SI: variants seen among roughly 807,000 people sequenced by gnomAD.
SI encodes sucrase-isomaltase.
A neutral mutation model predicts 253.3 loss-of-function variants in SI; 235 were observed. The ratio of observed to expected loss-of-function variants is 0.93; its 90% CI spans 0.83 to 1.03. The LOEUF (loss-of-function observed/expected upper bound fraction) is 1.03. SI is among the 50% of genes least tolerant of loss of function. The pLI is 0.00. For missense variants in SI, 2,442 were observed against 2,211.1 expected, an observed-to-expected ratio of 1.10 and a Z score of -2.09; for synonymous variants, 819 against 712.0, an observed-to-expected ratio of 1.15 and a Z score of -2.39.
In SI at chr3:165,041,064, A is replaced by G; in HGVS notation, c.2035T>C (p.Ser679Pro). 6.2e-7 allele frequency: 1 copy of G among 1,612,930 alleles called. No individual in the cohort carries two copies. The highest frequency in any genetic ancestry group is 1.3e-5 in the African/African-American group (1 of 74,984). The stretch of plus-strand genomic sequence containing the variant: ...TGCCTTGATGATTTAACCAAAAGTG[A>G]ATTCTGCCCAAAAAATGCAGGATCC... Reference protein sequence around the residue: ...HQDPAFFGQNSLLVKSSRQYL... With the variant: ...HQDPAFFGQNPLLVKSSRQYL... The change falls in exon 18 of 48, where the codon TCA becomes CCA. Residue 679 changes from serine (S) to proline (P), a missense_variant. Coordinates refer to ENST00000264382, the MANE Select transcript of SI (RefSeq NM_001041.4).
intron 37 of SI, among the ~76,000 whole-genome samples, chr3:165,003,926 G>T (rs1326282117): frequency 8.6e-5 from 13 of 151,964 alleles, no homozygotes; most frequent in Admixed American, 8.5e-4. Context: ...AATAACAAAT[G>T]GTGGGAGTAA....
At chr3:165,075,102 G>C (rs979818284) in intron 2 of SI, among the ~76,000 whole-genome samples, 3 of 151,884 alleles carry the variant, frequency 2.0e-5, no homozygotes, top group African/African-American at 7.2e-5. Context: ...CCTTGCAAGG[G>C]AATAATTTGA....
intron 18 of SI, among the ~76,000 whole-genome samples, chr3:165,040,262 A>G (rs1238230281): frequency 6.6e-6 from 1 of 151,470 alleles, no homozygotes; most frequent in South Asian, 2.1e-4. Context: ...AAGGGATGGG[A>G]ACAGAGGGAA....
intron 44 of SI, among the ~76,000 whole-genome samples, chr3:164,988,757 A>G (rs1717560219): frequency 6.6e-6 from 1 of 152,162 alleles, no homozygotes; most frequent in Non-Finnish European, 1.5e-5. Flanking sequence ...TTGCAATGGA[A>G]ATAAAGACTG....
At chr3:165,005,205 A>C (rs1718445019) in intron 37 of SI, among the ~76,000 whole-genome samples, 1 of 152,154 alleles carries the variant, frequency 6.6e-6, no homozygotes, top group East Asian at 1.9e-4. Flanking sequence ...TTTATGAAAG[A>C]GTGAAAATAG....
In SI at chr3:165,064,501, A is replaced by G. The variant is rs11920645; in HGVS notation, c.807+760T>C. Among the ~76,000 whole-genome samples the G allele has an allele frequency of 4.3e-3, 658 of 152,276 alleles. 3 individuals are homozygous for G. Among genetic ancestry groups the G allele is most frequent in the African/African-American group, 0.015 (616 of 41,568 alleles). On this transcript the variant is annotated intron_variant, in intron 7 of 47. Transcript: ENST00000264382. ...TGATATAGAAATAGTTAGCATTGCC[A>G]TTTAAAAAGAAGTAACTGACAAACG... is the stretch of plus-strand genomic sequence containing the variant.
chr3:165,067,120 C>T (rs1009388521), intron 6 of SI, among the ~76,000 whole-genome samples: 1 of 151,852 alleles, frequency 6.6e-6, no homozygotes, highest in African/African-American at 2.4e-5. Flanking sequence ...AGCTCTCCAC[C>T]TTCATCTTTG....
intron 34 of SI, among the ~76,000 whole-genome samples, chr3:165,011,035 G>C (rs925656708): frequency 3.9e-5 from 6 of 152,100 alleles, no homozygotes; most frequent in African/African-American, 1.4e-4. Flanking sequence ...ATAATTTAAT[G>C]ATTGTAAATT....
chr3:164,983,234 G>C lies in SI; in HGVS notation c.5198-183C>G, dbSNP rs1199742075. Among the ~76,000 whole-genome samples the C allele has an allele frequency of 3.9e-5, 6 of 152,272 alleles. No individual in the cohort carries two copies. The East Asian group carries it at 1.2e-3, about 30-fold the overall frequency. On this transcript the variant is annotated intron_variant, in intron 45 of 47. Coordinates refer to ENST00000264382, the MANE Select transcript of SI (RefSeq NM_001041.4). ...CAATCCAAGGAGCCTTGGAAATGAA[G>C]GATGAGTCACCAGGTAAGGTCCTAA... is the stretch of plus-strand genomic sequence containing the variant.
At chr3:165,008,314 C>T (rs1247092537) in intron 35 of SI, among the ~76,000 whole-genome samples, 1 of 151,882 alleles carries the variant, frequency 6.6e-6, no homozygotes, top group East Asian at 1.9e-4. Context: ...CCTTCCCCTC[C>T]ACTCCTGCCC....
chr3:165,060,187 T>G (rs912536866), intron 9 of SI, among the ~76,000 whole-genome samples, 160 bp from the exon 10 acceptor site: 1 of 152,066 alleles, frequency 6.6e-6, no homozygotes, highest in Non-Finnish European at 1.5e-5. Flanking sequence ...CTAAACAATT[T>G]CCTATTCTAT....
chr3:165,009,497 G>T, intron 34 of SI, 102 bp from the exon 35 acceptor site: 1 of 728,398 alleles, frequency 1.4e-6, no homozygotes, highest in Non-Finnish European at 2.5e-6. Flanking sequence ...ATGTATGACT[G>T]ATAATGAAGG....
intron 44 of SI, 115 bp downstream of exon 44, chr3:164,991,238 A>C: frequency 2.7e-6 from 3 of 1,106,246 alleles, no homozygotes; most frequent in Non-Finnish European, 2.8e-6. Flanking sequence ...TTACTGAGGC[A>C]GGCTAATGTA....
chr3:165,033,110 G>A (rs1285092720), intron 23 of SI, among the ~76,000 whole-genome samples: 2 of 151,462 alleles, frequency 1.3e-5, no homozygotes, highest in East Asian at 1.9e-4. Context: ...TGTTGAAATT[G>A]TTTTCCTAGG....
intron 15 of SI, among the ~76,000 whole-genome samples, chr3:165,048,742 G>A (rs1208564725): frequency 6.6e-6 from 1 of 151,476 alleles, no homozygotes; most frequent in Non-Finnish European, 1.5e-5. Flanking sequence ...CTCAGCCTCC[G>A]AAGTAACTGG....
At chr3:165,055,844 A>G (rs948436901) in intron 12 of SI, among the ~76,000 whole-genome samples, 3 of 152,114 alleles carry the variant, frequency 2.0e-5, no homozygotes, top group African/African-American at 7.2e-5. Flanking sequence ...CACCACTTAC[A>G]GATGAGGTAG....
intron 41 of SI, among the ~76,000 whole-genome samples, chr3:164,993,902 C>G (rs146014142): frequency 6.6e-6 from 1 of 151,486 alleles, no homozygotes; most frequent in East Asian, 1.9e-4. Flanking sequence ...TGCAGTAAAC[C>G]GTGATTAATT....
intron 45 of SI, among the ~76,000 whole-genome samples, chr3:164,983,704 C>T (rs1206839372): frequency 6.6e-6 from 1 of 152,078 alleles, no homozygotes; most frequent in East Asian, 1.9e-4. Flanking sequence ...ATCCTCCCAC[C>T]TCAGCCTCCT....
chr3:164,995,816 T>C (rs1421445990), intron 40 of SI, among the ~76,000 whole-genome samples: 2 of 151,832 alleles, frequency 1.3e-5, no homozygotes, highest in Non-Finnish European at 2.9e-5. Context: ...ACCTATTACA[T>C]ATAAAATGGT....
Sources: allele counts gnomAD v4.1 joint callset (sites outside exome capture counted in the v4.1 genomes callset), GRCh38; gene constraint gnomAD v4.1.1; transcripts MANE v1.5; gene names NCBI Gene and HGNC (gene_info 2026-07-23, HGNC 2026-07-21).